ANKRD30B: variants seen among roughly 807,000 people sequenced by gnomAD.
ANKRD30B encodes ankyrin repeat domain 30B.
ANKRD30B carries 144 observed loss-of-function variants against 202.2 expected under a neutral mutation model. That is an observed-to-expected ratio of 0.71 (90% CI 0.62 to 0.82). The LOEUF (loss-of-function observed/expected upper bound fraction) is 0.82, where lower values mean the gene tolerates loss of function less well. Among genes scored for constraint, ANKRD30B ranks in the 40% least tolerant of loss-of-function variants. The pLI is 0.00. For missense variants in ANKRD30B, 1,487 were observed against 1,669.1 expected, an observed-to-expected ratio of 0.89 and a Z score of 1.90; for synonymous variants, 508 against 561.3, an observed-to-expected ratio of 0.91 and a Z score of 1.34.
intron 36 of ANKRD30B, 147 bp downstream of exon 36, chr18:14,837,823 G>A: frequency 1.0e-6 from 1 of 967,844 alleles, no homozygotes; most frequent in Non-Finnish European, 1.5e-6. Flanking sequence ...AGACCATCCT[G>A]GCTAACATGG....
intron 7 of ANKRD30B, among the ~76,000 whole-genome samples, chr18:14,767,097 A>G (rs1036807410): frequency 6.6e-6 from 1 of 152,218 alleles, no homozygotes; most frequent in Non-Finnish European, 1.5e-5. Flanking sequence ...CTAGACTGGT[A>G]AGTACACATG....
At chr18:14,921,585 C>T in the ANKRD30B span, among the ~76,000 whole-genome samples, 1 of 152,000 alleles carries the variant, frequency 6.6e-6, no homozygotes, top group Non-Finnish European at 1.5e-5. Flanking sequence ...CATAGAATAG[C>T]CTTCTAAACC....
chr18:14,790,531 AT>A (rs1968416048), intron 15 of ANKRD30B, among the ~76,000 whole-genome samples: 1 of 152,156 alleles, frequency 6.6e-6, no homozygotes, highest in African/African-American at 2.4e-5. Context: ...TGGGTTTGTC[AT>A]AGATAGCTCT....
chr18:14,874,413 A>G, the ANKRD30B span, among the ~76,000 whole-genome samples: 1 of 152,200 alleles, frequency 6.6e-6, no homozygotes, highest in Non-Finnish European at 1.5e-5. Flanking sequence ...CGCTGGACTT[A>G]TTTGAAAACC....
chr18:14,748,466 A>G lies in ANKRD30B; in HGVS notation c.47A>G (p.Glu16Gly). 1.3e-6 allele frequency: 2 copies of G among 1,539,442 alleles called. No individual in the cohort carries two copies. Reference protein sequence around the residue: ...AAAGKGVRGPEPPNPFSERVY... With the variant: ...AAAGKGVRGPGPPNPFSERVY... ...GCTGGCAAGGGCGTGCGGGGCCCGGAGCCCCCGAACCCCTTCAGCGAACGG... is the reference window on the plus strand; with the variant it reads ...GCTGGCAAGGGCGTGCGGGGCCCGGGGCCCCCGAACCCCTTCAGCGAACGG... Residue 16 changes from glutamate (E) to glycine (G), a missense_variant, in exon 1 of 44, where the codon GAG becomes GGG. Transcript: ENST00000690538.
chr18:14,772,069 T>C (rs1967036308), intron 8 of ANKRD30B, 87 bp from the exon 9 acceptor site: 2 of 758,696 alleles, frequency 2.6e-6, no homozygotes, highest in African/African-American at 1.8e-5. Context: ...TTTCATTTTA[T>C]AGAGTGAGCA....
At chr18:14,782,737 A>T in intron 12 of ANKRD30B, 123 bp downstream of exon 12, 1 of 546,424 alleles carries the variant, frequency 1.8e-6, no homozygotes, top group Non-Finnish European at 3.1e-6. Flanking sequence ...AAAAGAGAGG[A>T]GTAAAATGAT....
intron 3 of ANKRD30B, among the ~76,000 whole-genome samples, chr18:14,754,497 T>C (rs373695467): frequency 6.6e-6 from 1 of 152,162 alleles, no homozygotes; most frequent in East Asian, 1.9e-4. Flanking sequence ...CTTTGGAATA[T>C]AGTTTAAGAA....
intron 15 of ANKRD30B, among the ~76,000 whole-genome samples, chr18:14,789,550 C>G (rs908117647): frequency 6.6e-6 from 1 of 152,190 alleles, no homozygotes; most frequent in Non-Finnish European, 1.5e-5. Context: ...TTTAATCCAT[C>G]TTGAATTACT....
At chr18:14,766,444 G>T (rs1245895982) in intron 7 of ANKRD30B, among the ~76,000 whole-genome samples, 1 of 113,736 alleles carries the variant, frequency 8.8e-6, no homozygotes, top group Non-Finnish European at 1.7e-5. Flanking sequence ...CTGCACTCCA[G>T]CCTGGGTGAC....
the ANKRD30B span, among the ~76,000 whole-genome samples, chr18:14,883,317 GTGTCTCTCTCTCTCTC>G: frequency 5.1e-4 from 5 of 9,720 alleles, no homozygotes; most frequent in Non-Finnish European, 8.8e-3. Flanking sequence ...TGGGGCCTAG[GTGTCTCTCTCTCTCTC>G]TGTCTCTCTC....
At chr18:14,759,905 A>G (rs867613097) in intron 5 of ANKRD30B, among the ~76,000 whole-genome samples, 41 of 152,260 alleles carry the variant, frequency 2.7e-4, no homozygotes, top group African/African-American at 9.1e-4. Flanking sequence ...TTTTTTAAAA[A>G]AATTAAATTT....
At chr18:14,848,166 T>C (rs1971733089) in intron 39 of ANKRD30B, among the ~76,000 whole-genome samples, 1 of 152,112 alleles carries the variant, frequency 6.6e-6, no homozygotes. Context: ...TTTTTTTCTG[T>C]TTTTCAGGGA....
chr18:14,775,624 T>C (rs1041061614), intron 9 of ANKRD30B, among the ~76,000 whole-genome samples: 1 of 152,226 alleles, frequency 6.6e-6, no homozygotes, highest in African/African-American at 2.4e-5. Context: ...TTTTAATAAG[T>C]AGACATTCTT....
the ANKRD30B span, chr18:14,910,002 A>T: frequency 6.7e-6 from 1 of 150,162 alleles, no homozygotes; most frequent in Non-Finnish European, 1.5e-5. Context: ...ACTGGTCAAT[A>T]AAAAAAAATC....
At chr18:14,844,913 C>A (rs982095440) in intron 39 of ANKRD30B, among the ~76,000 whole-genome samples, 1 of 151,964 alleles carries the variant, frequency 6.6e-6, no homozygotes, top group Non-Finnish European at 1.5e-5. Context: ...ATATCCTTCA[C>A]CCACTTTTTG....
intron 18 of ANKRD30B, among the ~76,000 whole-genome samples, chr18:14,797,210 C>A (rs1968964115): frequency 1.3e-5 from 2 of 152,000 alleles, no homozygotes; most frequent in African/African-American, 4.8e-5. Flanking sequence ...GGACAGGTAC[C>A]CCCCCATGCG....
chr18:14,799,744 AGTGT>A (rs58820145), intron 22 of ANKRD30B, among the ~76,000 whole-genome samples: 7 of 150,324 alleles, frequency 4.7e-5, no homozygotes, highest in South Asian at 2.1e-4. Flanking sequence ...TAGGTGACTG[AGTGT>A]GTGTGTGTGT....
intron 9 of ANKRD30B, among the ~76,000 whole-genome samples, chr18:14,776,257 C>A (rs1017734427): frequency 3.3e-5 from 5 of 152,158 alleles, no homozygotes. Flanking sequence ...GTCTGAATAT[C>A]CAAGATGAGG....
Sources: allele counts gnomAD v4.1 joint callset (sites outside exome capture counted in the v4.1 genomes callset), GRCh38; gene constraint gnomAD v4.1.1; transcripts MANE v1.5; gene names NCBI Gene and HGNC (gene_info 2026-07-23, HGNC 2026-07-21).